PDE4B: variants seen among roughly 807,000 people sequenced by gnomAD.
PDE4B encodes 3',5'-cyclic-AMP phosphodiesterase 4B.
Under a neutral mutation model 82.2 loss-of-function variants are expected in PDE4B, and 20 were observed. The observed-to-expected ratio is 0.24, with a 90% confidence interval of 0.17 to 0.35. The LOEUF (loss-of-function observed/expected upper bound fraction) is 0.35. Ranked by LOEUF, PDE4B falls within the 10% of genes least tolerant of loss-of-function variation. The pLI, the probability that PDE4B is intolerant of heterozygous loss-of-function variation, is 1.00. For missense variants in PDE4B, 655 were observed against 907.2 expected (o/e 0.72, Z 3.57); for synonymous variants, 320 against 318.9 (o/e 1.00, Z -0.04).
chr1:66,211,665 A>G (rs888986689), intron 3 of PDE4B, among the ~76,000 whole-genome samples: 1 of 152,228 alleles, frequency 6.6e-6, no homozygotes, highest in African/African-American at 2.4e-5. Flanking sequence ...GTTTATAAAT[A>G]AACTGTAACT....
intron 1 of PDE4B, among the ~76,000 whole-genome samples, chr1:65,846,083 T>A (rs1646265143): frequency 6.6e-6 from 1 of 152,182 alleles, no homozygotes; most frequent in Non-Finnish European, 1.5e-5. Flanking sequence ...GGTGTTATGG[T>A]CTAAGTTCTT....
intron 3 of PDE4B, among the ~76,000 whole-genome samples, chr1:66,142,892 G>A (rs1189472047): frequency 6.6e-6 from 1 of 152,170 alleles, no homozygotes. Context: ...TACCAGAAAA[G>A]GTCTCCACAG....
intron 7 of PDE4B, among the ~76,000 whole-genome samples, chr1:66,289,834 A>C (rs1261807226): frequency 2.0e-5 from 3 of 152,120 alleles, no homozygotes; most frequent in Non-Finnish European, 4.4e-5. Context: ...CCTAATCAAG[A>C]ATGGTAGCAG....
chr1:66,140,271 G>A (rs984233340), intron 3 of PDE4B, among the ~76,000 whole-genome samples: 3 of 152,078 alleles, frequency 2.0e-5, no homozygotes, highest in Admixed American at 2.0e-4. Flanking sequence ...ATCCAGAAAG[G>A]CCAGCCACTC....
At chr1:66,245,446 C>A (rs889810254) in intron 3 of PDE4B, among the ~76,000 whole-genome samples, 3 of 152,176 alleles carry the variant, frequency 2.0e-5, no homozygotes, top group Admixed American at 2.0e-4. Flanking sequence ...CCTACTGTTT[C>A]TAGGGGTTTG....
chr1:65,800,809 A>G (rs1042080349), intron 1 of PDE4B, among the ~76,000 whole-genome samples: 1 of 152,248 alleles, frequency 6.6e-6, no homozygotes, highest in African/African-American at 2.4e-5. Context: ...CTATCCAACT[A>G]TATGGGTATA....
At chr1:66,098,784 G>T (rs1645164464) in intron 3 of PDE4B, among the ~76,000 whole-genome samples, 1 of 152,070 alleles carries the variant, frequency 6.6e-6, no homozygotes, top group African/African-American at 2.4e-5. Context: ...CTTAATTGGA[G>T]TACTTTTCTT....
At chr1:65,937,832 G>T (rs1648240375) in intron 3 of PDE4B, among the ~76,000 whole-genome samples, 1 of 152,080 alleles carries the variant, frequency 6.6e-6, no homozygotes, top group African/African-American at 2.4e-5. Context: ...AGGTGCCTAG[G>T]ATAGATTCTG....
intron 3 of PDE4B, among the ~76,000 whole-genome samples, chr1:66,210,837 G>A (rs2101574609): frequency 6.6e-6 from 1 of 152,188 alleles, no homozygotes; most frequent in Middle Eastern, 3.4e-3. Flanking sequence ...TAGACTCATC[G>A]TTTCTGCTCC....
chr1:65,812,401 A>G (rs887260139), intron 1 of PDE4B, among the ~76,000 whole-genome samples: 3 of 152,148 alleles, frequency 2.0e-5, no homozygotes, highest in African/African-American at 7.2e-5. Context: ...AGCTGCTCAA[A>G]GGCAGCATTT....
At chr1:66,025,187 A>T (rs1023664765) in intron 3 of PDE4B, among the ~76,000 whole-genome samples, 1 of 152,126 alleles carries the variant, frequency 6.6e-6, no homozygotes, top group African/African-American at 2.4e-5. Context: ...TTAAGAACAT[A>T]TTAGAACTCA....
chr1:66,032,584 T>C (rs1333732633), intron 3 of PDE4B, among the ~76,000 whole-genome samples: 1 of 152,054 alleles, frequency 6.6e-6, no homozygotes, highest in African/African-American at 2.4e-5. Flanking sequence ...CATGTGCAAA[T>C]AGACTTTATT....
rs148026453 is a variant in PDE4B at position 66,057,681 on chromosome 1, T to C, written c.281+138846T>C. Among the ~76,000 whole-genome samples the C allele has an allele frequency of 6.5e-4, 99 of 152,202 alleles. 4 individuals are homozygous for C. Among genetic ancestry groups the C allele is most frequent in the African/African-American group, 2.3e-3 (96 of 41,526 alleles). On this transcript the variant is annotated intron_variant, in intron 3 of 16. Coordinates refer to ENST00000341517, the MANE Select transcript of PDE4B (RefSeq NM_002600.4). ...AAAGAGAGACCTTGTGCAGGGAAACTCCCATTTTTAAAACCATCAGATCTT... is the reference window on the plus strand; with the variant it reads ...AAAGAGAGACCTTGTGCAGGGAAACCCCCATTTTTAAAACCATCAGATCTT...
intron 3 of PDE4B, among the ~76,000 whole-genome samples, chr1:65,973,571 C>A (rs1358395510): frequency 6.6e-6 from 1 of 152,130 alleles, no homozygotes; most frequent in Non-Finnish European, 1.5e-5. Flanking sequence ...TAGTTATTAT[C>A]CTTTTGCTAC....
At chr1:66,008,311 C>A (rs933987493) in intron 3 of PDE4B, among the ~76,000 whole-genome samples, 1 of 152,110 alleles carries the variant, frequency 6.6e-6, no homozygotes, top group African/African-American at 2.4e-5. Flanking sequence ...ATTTGCAAAC[C>A]ATTCATTCAC....
intron 7 of PDE4B, among the ~76,000 whole-genome samples, chr1:66,278,958 G>A (rs1160373075): frequency 1.3e-5 from 2 of 152,018 alleles, no homozygotes; most frequent in African/African-American, 4.8e-5. Flanking sequence ...TCAACACAAT[G>A]GGTCTCTGTT....
intron 3 of PDE4B, among the ~76,000 whole-genome samples, chr1:66,179,996 G>T (rs1305699091): frequency 1.3e-5 from 2 of 152,178 alleles, no homozygotes; most frequent in African/African-American, 4.8e-5. Flanking sequence ...CATTGACAAG[G>T]TAGATTAACT....
intron 4 of PDE4B, 113 bp downstream of exon 4, chr1:66,247,767 A>G: frequency 1.3e-6 from 1 of 770,066 alleles, no homozygotes; most frequent in Non-Finnish European, 2.0e-6. Flanking sequence ...GAAGGAAGAA[A>G]ATGAATATGA....
Position 66,240,197 on chromosome 1 carries a change from G to A in PDE4B, c.282-7263G>A, listed in dbSNP as rs17128620. On this transcript the variant is annotated intron_variant, in intron 3 of 16. Transcript: ENST00000341517. The stretch of plus-strand genomic sequence containing the variant: ...CCCACAGTCAGTCTTGTTGAAGTTC[G>A]TCTGTGCTGTCTGTGGTGGGTATCA... Among the ~76,000 whole-genome samples the A allele has an allele frequency of 0.012, 1,779 of 152,326 alleles. 62 individuals are homozygous for A. The East Asian group carries it at 0.12, about 10-fold the overall frequency.
Sources: gnomAD v4.1 joint callset for allele counts (sites outside exome capture counted in the v4.1 genomes callset) on GRCh38, gnomAD v4.1.1 for gene constraint, MANE v1.5 for transcripts, NCBI Gene and HGNC (gene_info 2026-07-23, HGNC 2026-07-21) for gene names.